Variants in MAP2 observed in about 807,000 individuals in gnomAD.
MAP2 encodes the protein microtubule associated protein 2, also known as microtubule-associated protein 2.
A neutral mutation model predicts 137.6 loss-of-function variants in MAP2; 14 were observed. The observed-to-expected ratio is 0.10, with a 90% confidence interval of 0.07 to 0.16. MAP2 has a LOEUF of 0.16. Among genes scored for constraint, MAP2 ranks in the 10% least tolerant of loss-of-function variants. MAP2 has a pLI of 1.00. For synonymous variants in MAP2, 786 were observed against 782.3 expected (o/e 1.00, Z -0.08); for missense variants, 2,088 against 2,191.5 (o/e 0.95, Z 0.94).
chr2:209,635,781 C>T (rs1398665378), intron 4 of MAP2, among the ~76,000 whole-genome samples: 1 of 152,116 alleles, frequency 6.6e-6, no homozygotes, highest in African/African-American at 2.4e-5. Flanking sequence ...ACTGTTTTCT[C>T]CCTGAAAGTT....
intron 1 of MAP2, among the ~76,000 whole-genome samples, chr2:209,494,645 A>G (rs971149219): frequency 1.3e-5 from 2 of 152,214 alleles, no homozygotes; most frequent in African/African-American, 4.8e-5. Flanking sequence ...ATACAAATGG[A>G]CAACCAACAG....
intron 2 of MAP2, among the ~76,000 whole-genome samples, chr2:209,576,779 A>C (rs983638622): frequency 2.0e-5 from 3 of 152,212 alleles, no homozygotes; most frequent in Admixed American, 1.3e-4. Flanking sequence ...CTAAAAATTC[A>C]CAGAAGTATC....
chr2:209,587,747 G>GGT (rs1283397481), intron 3 of MAP2, among the ~76,000 whole-genome samples: 1 of 152,020 alleles, frequency 6.6e-6, no homozygotes, highest in East Asian at 1.9e-4. Flanking sequence ...AAATATCTGT[G>GGT]GTGTCCTCAT....
intron 1 of MAP2, among the ~76,000 whole-genome samples, chr2:209,452,009 A>G (rs1164985719): frequency 6.6e-6 from 1 of 152,212 alleles, no homozygotes; most frequent in Non-Finnish European, 1.5e-5. Context: ...TCTTTTCAAT[A>G]AAAAGATTGT....
intron 1 of MAP2, among the ~76,000 whole-genome samples, chr2:209,448,061 C>T (rs943727908): frequency 6.6e-6 from 1 of 152,024 alleles, no homozygotes; most frequent in African/African-American, 2.4e-5. Flanking sequence ...TTTGAAAGCA[C>T]GGCCTTAATG....
chr2:209,461,365 G>A lies in MAP2; in HGVS notation c.-222+37089G>A, dbSNP rs143686266. ...AGTGGCAACCATGCCAGACAGTATGGATTCACATAAGTTTATATTGGATCA... is the reference window on the plus strand; with the variant it reads ...AGTGGCAACCATGCCAGACAGTATGAATTCACATAAGTTTATATTGGATCA... On this transcript the variant is annotated intron_variant, in intron 1 of 15. Transcript: ENST00000682079. Among the ~76,000 whole-genome samples the A allele has an allele frequency of 5.4e-4, 83 of 152,336 alleles. No individual in the cohort carries two copies. In the East Asian group the frequency reaches 0.013, roughly 24 times the overall value.
At chr2:209,655,549 T>C (rs567344416) in intron 5 of MAP2, among the ~76,000 whole-genome samples, 1 of 152,364 alleles carries the variant, frequency 6.6e-6, no homozygotes, top group South Asian at 2.1e-4. Context: ...TAACAACTTT[T>C]ATCATTCATG....
chr2:209,518,661 A>G (rs2062854743), intron 2 of MAP2, among the ~76,000 whole-genome samples: 1 of 152,100 alleles, frequency 6.6e-6, no homozygotes, highest in African/African-American at 2.4e-5. Flanking sequence ...TGTAAGCAGA[A>G]ACCCAGTTCA....
At chr2:209,531,658 T>G (rs2065130163) in intron 2 of MAP2, among the ~76,000 whole-genome samples, 1 of 152,210 alleles carries the variant, frequency 6.6e-6, no homozygotes, top group African/African-American at 2.4e-5. Context: ...AAATCTGTTA[T>G]GTTAATTGAA....
intron 14 of MAP2, among the ~76,000 whole-genome samples, chr2:209,726,183 T>C (rs1269107659): frequency 6.6e-5 from 10 of 152,084 alleles, no homozygotes; most frequent in Admixed American, 6.6e-4. Flanking sequence ...TTATGTAAAA[T>C]AAGGATTGTG....
At chr2:209,719,625 T>C (rs2069334817) in intron 13 of MAP2, among the ~76,000 whole-genome samples, 1 of 152,166 alleles carries the variant, frequency 6.6e-6, no homozygotes, top group Non-Finnish European at 1.5e-5. Flanking sequence ...AACAATTAAA[T>C]ATATGCAGAG....
intron 2 of MAP2, among the ~76,000 whole-genome samples, chr2:209,551,289 A>G (rs1383809680): frequency 1.3e-5 from 2 of 152,106 alleles, no homozygotes; most frequent in Admixed American, 6.5e-5. Context: ...TGTGGTCTTG[A>G]TGGTGCACTT....
At position 209,731,866 on chromosome 2, in the gene MAP2, C is replaced by T. The variant is rs1024668754; in HGVS notation, c.*1469C>T. On this transcript the variant is annotated 3_prime_UTR_variant, in exon 16 of 16. Transcript: ENST00000682079. ...AATCAGTTTTTTTCCAAGACTCCAA[C>T]ATTGCACTCTGTAAAGTAACACACT... 1 of 152,078 alleles carries T rather than the reference C, an allele frequency of 6.6e-6. No individual in the cohort carries two copies. Among genetic ancestry groups the T allele is most frequent in the South Asian group, 2.1e-4 (1 of 4,828 alleles). 9.4% of individuals were successfully genotyped at this position (152,078 alleles called of 1,614,324 possible).
chr2:209,474,020 G>A (rs1214562086), intron 1 of MAP2, among the ~76,000 whole-genome samples: 1 of 152,146 alleles, frequency 6.6e-6, no homozygotes, highest in African/African-American at 2.4e-5. Context: ...ACTCCGCAGT[G>A]CTCTACTCAC....
chr2:209,596,538 G>A (rs1045541479), intron 3 of MAP2, among the ~76,000 whole-genome samples: 1 of 152,160 alleles, frequency 6.6e-6, no homozygotes, highest in African/African-American at 2.4e-5. Context: ...TTATGCAAAG[G>A]AATGTGAATA....
chr2:209,628,133 G>A (rs544047393), intron 4 of MAP2, among the ~76,000 whole-genome samples: 2 of 152,076 alleles, frequency 1.3e-5, no homozygotes, highest in Non-Finnish European at 2.9e-5. Context: ...TTGGGAGGCC[G>A]AGGCAGACAG....
rs1394546037 is a variant in MAP2 at position 209,734,106 on chromosome 2, C to T, written c.*3709C>T. ...TGTTTTGCAAAATAAAATTGCTTGT[C>T]ACCTAACTGCTAGTTTTGGTTTCAG... On this transcript the variant is annotated 3_prime_UTR_variant, in exon 16 of 16. Coordinates refer to ENST00000682079, the MANE Select transcript of MAP2 (RefSeq NM_001375505.1). The T allele has an allele frequency of 6.6e-6, 1 of 152,486 alleles. No individual in the cohort carries two copies. The highest frequency in any genetic ancestry group is 2.4e-5 in the African/African-American group (1 of 41,404). 9.4% of individuals were successfully genotyped at this position (152,486 alleles called of 1,614,324 possible). A position where few individuals can be genotyped will look rare whatever the true frequency, so the allele number is the denominator to read the frequency against.
intron 12 of MAP2, among the ~76,000 whole-genome samples, chr2:209,706,969 T>C (rs2153749227): frequency 6.6e-6 from 1 of 152,222 alleles, no homozygotes; most frequent in Non-Finnish European, 1.5e-5. Context: ...CAAAAATAAA[T>C]TATTTGAATG....
At chr2:209,659,433 C>T (rs951194449) in intron 5 of MAP2, among the ~76,000 whole-genome samples, 10 of 152,158 alleles carry the variant, frequency 6.6e-5, no homozygotes, top group African/African-American at 2.4e-5. Flanking sequence ...GAATGCAAGT[C>T]TCTTGCCCTA....
Sources: gnomAD v4.1 joint callset for allele counts (sites outside exome capture counted in the v4.1 genomes callset) on GRCh38, gnomAD v4.1.1 for gene constraint, MANE v1.5 for transcripts, NCBI Gene and HGNC (gene_info 2026-07-23, HGNC 2026-07-21) for gene names.